GFPT1: variants seen among roughly 807,000 people sequenced by gnomAD.
GFPT1 encodes the protein glutamine--fructose-6-phosphate transaminase 1.
A neutral mutation model predicts 92.0 loss-of-function variants in GFPT1; 40 were observed. The observed-to-expected ratio is 0.43, with a 90% CI of 0.34 to 0.57. The LOEUF (loss-of-function observed/expected upper bound fraction) is 0.57. Ranked by LOEUF, GFPT1 falls within the 20% of genes least tolerant of loss-of-function variation. The pLI, the probability that GFPT1 is intolerant of heterozygous loss-of-function variation, is 0.02. For synonymous variants in GFPT1, 269 were observed against 280.6 expected (o/e 0.96, Z 0.41); for missense variants, 448 against 869.1 (o/e 0.52, Z 6.09).
intron 3 of GFPT1, 85 bp from the exon 4 acceptor site, chr2:69,363,755 A>T: frequency 1.1e-6 from 1 of 923,382 alleles, no homozygotes; most frequent in Admixed American, 1.9e-5. Flanking sequence ...CAATTATTAC[A>T]ATGCTGCTCT....
chr2:69,366,877 G>A (rs1671624664), intron 3 of GFPT1, among the ~76,000 whole-genome samples: 1 of 152,000 alleles, frequency 6.6e-6, no homozygotes, highest in Non-Finnish European at 1.5e-5. Flanking sequence ...CTTGCCCTCT[G>A]CCTGCCTTTT....
chr2:69,359,472 C>T, intron 4 of GFPT1, 146 bp from the exon 5 acceptor site: 1 of 601,094 alleles, frequency 1.7e-6, no homozygotes, highest in Non-Finnish European at 3.1e-6. Context: ...ATTACATCTA[C>T]TTCTCATTTA....
intron 3 of GFPT1, among the ~76,000 whole-genome samples, chr2:69,368,555 C>T (rs1185401343): frequency 1.3e-5 from 2 of 152,236 alleles, no homozygotes; most frequent in East Asian, 3.9e-4. Flanking sequence ...TGGTGAAACC[C>T]CATCTCTACC....
intron 6 of GFPT1, 34 bp downstream of exon 6, chr2:69,358,295 T>C (rs1185058987): frequency 6.4e-7 from 1 of 1,572,252 alleles, no homozygotes; most frequent in Non-Finnish European, 8.8e-7. Context: ...GCATTAATGT[T>C]GGCATAATTA....
chr2:69,364,989 CCT>C (rs1558768095), intron 3 of GFPT1, among the ~76,000 whole-genome samples: 20 of 100,308 alleles, frequency 2.0e-4, no homozygotes, highest in Non-Finnish European at 3.3e-4. Flanking sequence ...AGCGAGACTC[CCT>C]CTCAAAAAAA....
chr2:69,349,616 T>C (rs776455861), intron 10 of GFPT1, among the ~76,000 whole-genome samples: 1 of 152,242 alleles, frequency 6.6e-6, no homozygotes, highest in Non-Finnish European at 1.5e-5. Context: ...CAAAATATCT[T>C]AGTCTACTAC....
chr2:69,363,270 A>AT (rs888450163), intron 4 of GFPT1, among the ~76,000 whole-genome samples: 7 of 151,830 alleles, frequency 4.6e-5, no homozygotes, highest in Non-Finnish European at 5.9e-5. Flanking sequence ...TGCCTAACTT[A>AT]TTTTTTTATT....
intron 1 of GFPT1, among the ~76,000 whole-genome samples, chr2:69,374,560 G>A (rs967213663): frequency 2.6e-5 from 4 of 152,012 alleles, no homozygotes; most frequent in African/African-American, 4.8e-5. Context: ...TGATCTGCCC[G>A]CCTCGGCCTC....
intron 1 of GFPT1, among the ~76,000 whole-genome samples, chr2:69,378,711 A>C (rs1671938880): frequency 6.6e-6 from 1 of 152,236 alleles, no homozygotes; most frequent in South Asian, 2.1e-4. Context: ...CAAATTATTA[A>C]AATTCCTATG....
chr2:69,366,575 T>C (rs960520944), intron 3 of GFPT1, among the ~76,000 whole-genome samples: 26 of 152,224 alleles, frequency 1.7e-4, no homozygotes, highest in Non-Finnish European at 1.5e-5. Flanking sequence ...CCAAGTTCCT[T>C]ATTCATTAAA....
intron 1 of GFPT1, among the ~76,000 whole-genome samples, chr2:69,379,689 T>C (rs1012334019): frequency 2.6e-5 from 4 of 151,700 alleles, no homozygotes; most frequent in African/African-American, 9.7e-5. Flanking sequence ...AGGCACATGC[T>C]AATGTGCCTG....
chr2:69,381,538 C>T (rs1672010029), intron 1 of GFPT1, among the ~76,000 whole-genome samples: 1 of 151,668 alleles, frequency 6.6e-6, no homozygotes. Flanking sequence ...CTGAAGCTAG[C>T]CTCTCCCCTA....
In GFPT1 at chr2:69,329,738, T is replaced by G; in HGVS notation, c.1543A>C (p.Ile515Leu). Residue 515 changes from isoleucine to leucine, a missense_variant, in exon 16 of 20, where the codon ATC (isoleucine) becomes CTC (leucine). Physicochemically the swap from Ile to Leu is conservative, Grantham distance 5. Coordinates refer to ENST00000357308, the MANE Select transcript of GFPT1 (RefSeq NM_001244710.2). ...TCTTTGCGTCTTTCTTGCATGGAGATCCGATCATCACACATCATAAGGGCA... is the reference window on the plus strand; with the variant it reads ...TCTTTGCGTCTTTCTTGCATGGAGAGCCGATCATCACACATCATAAGGGCA... The part of the protein sequence containing the change: ...MFALMMCDDR[I>L]SMQERRKEIM... 1 of 1,613,702 alleles carries G rather than the reference T, an allele frequency of 6.2e-7. No individual in the cohort carries two copies. The highest frequency in any genetic ancestry group is 2.2e-5 in the East Asian group (1 of 44,870).
chr2:69,348,341 A>G lies in GFPT1; in HGVS notation c.846-7T>C. ...GGTGTGTTCTATGACAGCACTATAA[A>G]GTTTTCAAGGAGATATTACAATCGA... is the stretch of plus-strand genomic sequence containing the variant. On this transcript the variant is annotated splice_region_variant and splice_polypyrimidine_tract_variant and intron_variant, in intron 10 of 19. Coordinates refer to ENST00000357308, the MANE Select transcript of GFPT1 (RefSeq NM_001244710.2). The G allele has an allele frequency of 6.2e-7, 1 of 1,605,720 alleles. No individual in the cohort carries two copies. The highest frequency in any genetic ancestry group is 1.7e-4 in the Middle Eastern group (1 of 6,038).
rs1281968162 is a variant in GFPT1 at position 69,325,552 on chromosome 2, T to G, written c.*637A>C. 6.6e-6 allele frequency: 1 copy of G among 152,352 alleles called. No homozygotes were observed. The highest frequency in any genetic ancestry group is 2.4e-5 in the African/African-American group (1 of 41,450). 9.4% of individuals were successfully genotyped at this position (152,352 alleles called of 1,614,324 possible). On this transcript the variant is annotated 3_prime_UTR_variant, in exon 20 of 20. Coordinates refer to ENST00000357308, the MANE Select transcript of GFPT1 (RefSeq NM_001244710.2). ...TAAGGATTGAGACCCACCAATGCACTACTGTAATATTTCGCTTCCTAAATT... is the reference window on the plus strand; with the variant it reads ...TAAGGATTGAGACCCACCAATGCACGACTGTAATATTTCGCTTCCTAAATT...
At chr2:69,382,483 C>A (rs759577731) in intron 1 of GFPT1, among the ~76,000 whole-genome samples, 45 of 152,272 alleles carry the variant, frequency 3.0e-4, no homozygotes, top group Non-Finnish European at 5.7e-4. Flanking sequence ...CAAACTGAGA[C>A]CCTTCTGCCT....
chr2:69,334,389 T>A (rs546447343), intron 15 of GFPT1, among the ~76,000 whole-genome samples: 17 of 152,176 alleles, frequency 1.1e-4, no homozygotes, highest in African/African-American at 4.1e-4. Context: ...TTGAAAAAAA[T>A]TAAAGTCTGT....
intron 5 of GFPT1, among the ~76,000 whole-genome samples, chr2:69,358,837 A>G (rs1020860704): frequency 5.3e-5 from 8 of 152,238 alleles, no homozygotes; most frequent in African/African-American, 1.2e-4. Flanking sequence ...AGAAAGTTCA[A>G]TTGAACAGCC....
chr2:69,361,915 G>C (rs1040382931), intron 4 of GFPT1, among the ~76,000 whole-genome samples: 18 of 152,130 alleles, frequency 1.2e-4, no homozygotes, highest in Non-Finnish European at 2.6e-4. Context: ...AAGAATTTGA[G>C]GTTACAGTGA....
Sources: allele counts gnomAD v4.1 joint callset (sites outside exome capture counted in the v4.1 genomes callset), GRCh38; gene constraint gnomAD v4.1.1; transcripts MANE v1.5; gene names NCBI Gene and HGNC (gene_info 2026-07-23, HGNC 2026-07-21).